The following TBC1D4 variants were observed in gnomAD, a reference collection of about 807,000 sequenced individuals.
The protein encoded by TBC1D4 is TBC1 domain family member 4.
In TBC1D4, 121 loss-of-function variants were observed where a neutral mutation model predicts 142.5. The observed-to-expected ratio is 0.85, with a 90% CI of 0.73 to 0.99. The LOEUF is 0.99. Among genes scored for constraint, TBC1D4 ranks in the 50% least tolerant of loss-of-function variants. TBC1D4 has a pLI of 0.00. For synonymous variants in TBC1D4, 630 were observed against 628.2 expected (o/e 1.00, Z -0.04); for missense variants, 1,475 against 1,606.6 (o/e 0.92, Z 1.40).
At chr13:75,481,215 C>CGA in intron 1 of TBC1D4, 55 bp downstream of exon 1, 1 of 1,244,434 alleles carries the variant, frequency 8.0e-7, no homozygotes, top group Non-Finnish European at 1.1e-6. Context: ...TCCCGCCCTG[C>CGA]TCCCCGATCC....
At chr13:75,433,840 A>G (rs1336824926) in intron 1 of TBC1D4, among the ~76,000 whole-genome samples, 1 of 152,226 alleles carries the variant, frequency 6.6e-6, no homozygotes, top group Admixed American at 6.5e-5. Flanking sequence ...AACCCCTTTA[A>G]AAAGTGGGCA....
rs1887066677 is a variant in TBC1D4, at chr13:75,442,115, A to ATATAT, written c.498+39154_498+39155insATATA. Among the ~76,000 whole-genome samples, 3 of 152,322 alleles carry ATATAT rather than the reference A, an allele frequency of 2.0e-5. No individual in the cohort carries two copies. The East Asian group carries it at 5.8e-4, about 29-fold the overall frequency. The stretch of plus-strand genomic sequence containing the variant: ...TATATACTATGTATGTACTCTTTTT[A>ATATAT]ACCTCCTCAATAATATAGGGTAACC... On this transcript the variant is annotated intron_variant, in intron 1 of 20. Coordinates refer to ENST00000377636, the MANE Select transcript of TBC1D4 (RefSeq NM_014832.5).
Position 75,362,044 on chromosome 13 carries a change from G to A in TBC1D4, c.1062C>T (p.Asn354=), listed in dbSNP as rs1555310641. The part of the protein sequence containing the change: ...SHVQPSDSEK[N]RTMLFQVGRF... Reference sequence around the variant, plus strand: ...GGTGTACCTGGAAGAGCATGGTCCTGTTCTTCTCCGAGTCCGAGGGCTGGA... The same window carrying A: ...GGTGTACCTGGAAGAGCATGGTCCTATTCTTCTCCGAGTCCGAGGGCTGGA... The change falls in exon 2 of 21, where the codon AAC becomes AAT. Residue 354 remains asparagine (N), a synonymous_variant. Coordinates refer to ENST00000377636, the MANE Select transcript of TBC1D4 (RefSeq NM_014832.5). This position sits in a 1 kb window ranked among gnomAD's most constrained non-coding sequence, Gnocchi z 4.2. The A allele has an allele frequency of 1.2e-6, 2 of 1,614,180 alleles. No individual in the cohort carries two copies. The highest frequency in any genetic ancestry group is 1.7e-6 in the Non-Finnish European group (2 of 1,180,040).
chr13:75,381,025 G>T (rs1418188297), intron 1 of TBC1D4, among the ~76,000 whole-genome samples: 3 of 152,026 alleles, frequency 2.0e-5, no homozygotes. Context: ...CTTAACTTCA[G>T]TATCATCCTC....
At chr13:75,312,396 G>C (rs1404179859) in intron 13 of TBC1D4, among the ~76,000 whole-genome samples, 1 of 139,420 alleles carries the variant, frequency 7.2e-6, no homozygotes, top group Non-Finnish European at 1.5e-5. Context: ...CTGGGCAACA[G>C]AGCAAGGCCC....
chr13:75,454,736 C>G (rs371091386), intron 1 of TBC1D4, among the ~76,000 whole-genome samples: 2 of 152,156 alleles, frequency 1.3e-5, no homozygotes, highest in Admixed American at 6.6e-5. Flanking sequence ...TCTGGAGATA[C>G]TAACAAGCAA....
chr13:75,359,676 T>C lies in TBC1D4; in HGVS notation c.1170+93A>G. On this transcript the variant is annotated intron_variant, in intron 3 of 20. Coordinates refer to ENST00000377636, the MANE Select transcript of TBC1D4 (RefSeq NM_014832.5). ...TAAAAATTTAAATTTCAAAAAAAAT[T>C]AAAATTTGAAGGGGGTCAAGCCCAC... is the stretch of plus-strand genomic sequence containing the variant. The C allele has an allele frequency of 5.0e-6, 5 of 1,001,256 alleles. No individual in the cohort carries two copies. In the South Asian group the frequency reaches 7.6e-5, roughly 15 times the overall value. The allele number at this position is 1,001,256 out of a possible 1,614,324, so 62.0% of individuals were successfully genotyped here.
chr13:75,341,232 T>C lies in TBC1D4; in HGVS notation c.1504A>G (p.Met502Val), dbSNP rs374287576. The change falls in exon 7 of 21, where the codon ATG becomes GTG. Residue 502 changes from methionine to valine, a missense_variant. Coordinates refer to ENST00000377636, the MANE Select transcript of TBC1D4 (RefSeq NM_014832.5). ...QADIFERVQK[M>V]KPVSDQEENE... ...TCTTCCTGGTCACTGACTGGCTTCA[T>C]TTTCTGTTCAACAGACAAACCAAAA... 1 of 1,613,554 alleles carries C rather than the reference T, an allele frequency of 6.2e-7. No homozygotes were observed. Among genetic ancestry groups the C allele is most frequent in the Non-Finnish European group, 8.5e-7 (1 of 1,179,756 alleles).
intron 1 of TBC1D4, among the ~76,000 whole-genome samples, chr13:75,429,430 A>T (rs1389950977): frequency 6.6e-6 from 1 of 152,194 alleles, no homozygotes; most frequent in Non-Finnish European, 1.5e-5. Flanking sequence ...TGTACAGCAG[A>T]GTGATTTGAG....
At chr13:75,448,568 C>CA (rs550307669) in intron 1 of TBC1D4, among the ~76,000 whole-genome samples, 1,698 of 74,790 alleles carry the variant, frequency 0.023, 33 homozygotes, top group African/African-American at 0.066. Flanking sequence ...AACTCCGTCT[C>CA]AAAAAAAAAA....
intron 7 of TBC1D4, among the ~76,000 whole-genome samples, chr13:75,338,700 C>T (rs1169347713): frequency 6.6e-6 from 1 of 152,146 alleles, no homozygotes; most frequent in East Asian, 1.9e-4. Flanking sequence ...AATGTATCAA[C>T]CTCCTTACTC....
chr13:75,470,852 TG>T, intron 1 of TBC1D4, among the ~76,000 whole-genome samples: 1 of 152,016 alleles, frequency 6.6e-6, no homozygotes, highest in Non-Finnish European at 1.5e-5. Flanking sequence ...CCAGGTGCGG[TG>T]GAGCGTGCCT....
At position 75,286,757 on chromosome 13, in the gene TBC1D4, A is replaced by G. The variant is rs1874711932; in HGVS notation, c.*35T>C. On this transcript the variant is annotated 3_prime_UTR_variant, in exon 21 of 21. Transcript: ENST00000377636. ...AGGCTCTTCCTCTCTGTAGTATTCT[A>G]AGGAGCACTTTCTGCTGAGGCCGTG... 6.3e-7 allele frequency: 1 copy of G among 1,598,068 alleles called. No homozygotes were observed. Among genetic ancestry groups the G allele is most frequent in the South Asian group, 1.1e-5 (1 of 89,932 alleles).
chr13:75,320,301 C>T (rs1479798220), intron 11 of TBC1D4, among the ~76,000 whole-genome samples: 1 of 151,982 alleles, frequency 6.6e-6, no homozygotes, highest in East Asian at 1.9e-4. Context: ...TAGTATCTAT[C>T]ATTTACTTTT....
rs1887734208 is a variant in TBC1D4 at position 75,456,350 on chromosome 13, T to C, written c.498+24920A>G. Among the ~76,000 whole-genome samples, 4 of 152,208 alleles carry C rather than the reference T, an allele frequency of 2.6e-5. No homozygotes were observed. The South Asian group carries it at 8.3e-4, about 32-fold the overall frequency. On this transcript the variant is annotated intron_variant, in intron 1 of 20. Coordinates refer to ENST00000377636, the MANE Select transcript of TBC1D4 (RefSeq NM_014832.5). ...TAAATTGTATTTCATTAAGAGCTTC[T>C]ATTTCTCAAAAGAGAATGAAAATCG...
At chr13:75,426,013 T>C (rs1436798987) in intron 1 of TBC1D4, among the ~76,000 whole-genome samples, 1 of 152,226 alleles carries the variant, frequency 6.6e-6, no homozygotes. Flanking sequence ...ATATCTTAAA[T>C]GGCTTGATTT....
chr13:75,333,640 C>G (rs1412566670), intron 8 of TBC1D4, among the ~76,000 whole-genome samples: 1 of 152,192 alleles, frequency 6.6e-6, no homozygotes, highest in African/African-American at 2.4e-5. Flanking sequence ...TCCAATATAA[C>G]TAAAATACAA....
intron 1 of TBC1D4, among the ~76,000 whole-genome samples, chr13:75,390,157 G>A (rs1261235729): frequency 6.6e-6 from 1 of 151,400 alleles, no homozygotes; most frequent in African/African-American, 2.4e-5. Context: ...GCGGGCGCCT[G>A]TAATCCCAGC....
intron 1 of TBC1D4, among the ~76,000 whole-genome samples, chr13:75,372,274 CTTTT>C (rs5804806): frequency 6.8e-6 from 1 of 147,906 alleles, no homozygotes; most frequent in Non-Finnish European, 1.5e-5. Context: ...TTAAGGCTCA[CTTTT>C]TTTTTTTTGA....
Sources: allele counts gnomAD v4.1 joint callset (sites outside exome capture counted in the v4.1 genomes callset), GRCh38; gene constraint gnomAD v4.1.1; non-coding constraint Gnocchi (gnomAD v3.1); transcripts MANE v1.5; gene names NCBI Gene and HGNC (gene_info 2026-07-23, HGNC 2026-07-21).